The following CDH23 variants were observed in gnomAD, a reference collection of about 807,000 sequenced individuals.
CDH23 encodes cadherin-23.
CDH23 carries 189 observed loss-of-function variants against 317.1 expected under a neutral mutation model. That is an observed-to-expected ratio of 0.60 (90% CI 0.53 to 0.67). The LOEUF (loss-of-function observed/expected upper bound fraction) is 0.67. Ranked by LOEUF, CDH23 falls within the 30% of genes least tolerant of loss-of-function variation. The pLI, the probability that CDH23 is intolerant of heterozygous loss-of-function variation, is 0.00. For synonymous variants in CDH23, 1,839 were observed against 1,876.8 expected (o/e 0.98, Z 0.52); for missense variants, 4,401 against 4,592.4 (o/e 0.96, Z 1.20).
intron 6 of CDH23, among the ~76,000 whole-genome samples, chr10:71,543,863 G>A (rs1369017685): frequency 3.9e-5 from 6 of 152,200 alleles, no homozygotes; most frequent in Admixed American, 1.3e-4. Flanking sequence ...AAGCTGCTAA[G>A]TACTGTAGAG....
At position 71,625,237 on chromosome 10, in the gene CDH23, C is replaced by A. The variant is rs77716377; in HGVS notation, c.1134+7844C>A. On this transcript the variant is annotated intron_variant, in intron 11 of 69. Coordinates refer to ENST00000224721, the MANE Select transcript of CDH23 (RefSeq NM_022124.6). ...CTCCCAAAGGTTTGGTCCCACCGAG[C>A]GGAGGGGCCTGCACTGCAGAGTGAA... Among the ~76,000 whole-genome samples, 1,348 of 151,164 alleles carry A rather than the reference C, an allele frequency of 8.9e-3. 10 individuals are homozygous for A. The highest frequency in any genetic ancestry group is 0.014 in the Non-Finnish European group (967 of 67,788).
intron 9 of CDH23, among the ~76,000 whole-genome samples, chr10:71,608,029 C>G (rs1168208757): frequency 1.3e-5 from 2 of 152,242 alleles, no homozygotes; most frequent in African/African-American, 4.8e-5. Flanking sequence ...GATGCTCACA[C>G]AGCCTGGTGA....
At chr10:71,672,581 G>T (rs537104932) in intron 14 of CDH23, among the ~76,000 whole-genome samples, 1 of 152,174 alleles carries the variant, frequency 6.6e-6, no homozygotes, top group Non-Finnish European at 1.5e-5. Context: ...ATCAGCATCC[G>T]CAGCCTGGGC....
chr10:71,519,258 C>G (rs1257005070), intron 6 of CDH23, among the ~76,000 whole-genome samples: 1 of 152,178 alleles, frequency 6.6e-6, no homozygotes, highest in Non-Finnish European at 1.5e-5. Context: ...AAATAAAGAA[C>G]CTCTAAATGG....
chr10:71,631,225 A>G (rs921930841), intron 11 of CDH23, among the ~76,000 whole-genome samples: 2 of 152,234 alleles, frequency 1.3e-5, no homozygotes, highest in Non-Finnish European at 2.9e-5. Context: ...CCTGGGCAAC[A>G]GAGCAAGACC....
intron 20 of CDH23, among the ~76,000 whole-genome samples, 184 bp from the exon 21 acceptor site, chr10:71,693,963 C>G (rs1865278421): frequency 1.3e-5 from 2 of 152,128 alleles, no homozygotes; most frequent in South Asian, 4.1e-4. Context: ...GGCACAGGAG[C>G]TCTCCCGTCT....
At chr10:71,517,638 C>T (rs1854412081) in intron 6 of CDH23, among the ~76,000 whole-genome samples, 2 of 152,232 alleles carry the variant, frequency 1.3e-5, no homozygotes, top group Non-Finnish European at 2.9e-5. Flanking sequence ...ATGAGCGTGT[C>T]ATCTCCCACG....
In CDH23 at chr10:71,672,463, G is replaced by A. The variant is rs188907009; in HGVS notation, c.1450-2649G>A. ...CAAGGAGCAGCTTTTCATCTAGTTC[G>A]GCTTCCTACACTTGAAAAATGAAGC... On this transcript the variant is annotated intron_variant, in intron 14 of 69. Transcript: ENST00000224721. Among the ~76,000 whole-genome samples the A allele has an allele frequency of 1.4e-4, 21 of 152,206 alleles. No individual in the cohort carries two copies. In the East Asian group the frequency reaches 1.7e-3, roughly 13 times the overall value.
intron 48 of CDH23, among the ~76,000 whole-genome samples, chr10:71,796,683 G>T (rs1040296366): frequency 2.6e-5 from 4 of 152,196 alleles, no homozygotes; most frequent in Non-Finnish European, 5.9e-5. Context: ...CATTGTTAAG[G>T]AATACAGCAG....
At chr10:71,800,850 G>T in intron 53 of CDH23, 95 bp downstream of exon 53, 1 of 1,523,728 alleles carries the variant, frequency 6.6e-7, no homozygotes, top group Non-Finnish European at 8.9e-7. Flanking sequence ...CAGACTGGGA[G>T]CAGAGCCCCC....
intron 38 of CDH23, among the ~76,000 whole-genome samples, chr10:71,747,086 C>T (rs1417756650): frequency 6.6e-6 from 1 of 152,202 alleles, no homozygotes; most frequent in African/African-American, 2.4e-5. Flanking sequence ...CAAGTACATC[C>T]AGACCCTTCC....
At chr10:71,674,051 C>T (rs1350232520) in intron 14 of CDH23, among the ~76,000 whole-genome samples, 2 of 152,214 alleles carry the variant, frequency 1.3e-5, no homozygotes, top group Non-Finnish European at 2.9e-5. Context: ...GGAAATCCAA[C>T]ACAAGAGGCA....
chr10:71,402,443 G>A (rs576347658), intron 1 of CDH23, among the ~76,000 whole-genome samples: 1 of 152,246 alleles, frequency 6.6e-6, no homozygotes, highest in South Asian at 2.1e-4. Flanking sequence ...TGAAGCCTTG[G>A]GTCTGGCTTA....
intron 34 of CDH23, among the ~76,000 whole-genome samples, chr10:71,735,843 C>T (rs1324690089): frequency 3.9e-5 from 6 of 152,206 alleles, no homozygotes; most frequent in African/African-American, 1.4e-4. Context: ...CTCCACAGCT[C>T]CCCTCAGCTA....
rs775411358 is a variant in CDH23, at chr10:71,785,002, C to T, written c.5614C>T (p.His1872Tyr). The change falls in exon 43 of 70, where the codon CAT (histidine) becomes TAT (tyrosine). Residue 1872 changes from histidine to tyrosine, a missense_variant. By Grantham distance (83) the His-to-Tyr change is moderately conservative (BLOSUM62 2). Coordinates refer to ENST00000224721, the MANE Select transcript of CDH23 (RefSeq NM_022124.6). ...ENSPVSSFVA[H>Y]VLASDADSGC... The stretch of plus-strand genomic sequence containing the variant: ...CAGCCCTGTCTCCAGCTTTGTCGCC[C>T]ATGTCCTGGCCAGTGACGCTGACAG... 6.2e-7 allele frequency: 1 copy of T among 1,614,076 alleles called. No individual in the cohort carries two copies. The highest frequency in any genetic ancestry group is 8.5e-7 in the Non-Finnish European group (1 of 1,179,894).
intron 6 of CDH23, among the ~76,000 whole-genome samples, chr10:71,566,408 G>T (rs1366056395): frequency 1.3e-5 from 2 of 152,136 alleles, no homozygotes; most frequent in African/African-American, 4.8e-5. Context: ...GAAGCCTGCA[G>T]CTTGGGCAGC....
At chr10:71,471,810 C>T (rs533774523) in intron 3 of CDH23, among the ~76,000 whole-genome samples, 4 of 152,280 alleles carry the variant, frequency 2.6e-5, no homozygotes, top group South Asian at 2.1e-4. Flanking sequence ...TCTCTCTTCC[C>T]GGAAGCTTTG....
At chr10:71,711,428 C>G (rs935963715) in intron 27 of CDH23, among the ~76,000 whole-genome samples, 1 of 152,136 alleles carries the variant, frequency 6.6e-6, no homozygotes, top group East Asian at 1.9e-4. Flanking sequence ...ACTCCAGCTG[C>G]CTGCACCACC....
chr10:71,536,364 A>G (rs1275117983), intron 6 of CDH23, among the ~76,000 whole-genome samples: 2 of 152,184 alleles, frequency 1.3e-5, no homozygotes, highest in Admixed American at 6.5e-5. Flanking sequence ...GGCTGGTTCA[A>G]TGGAGCCAGA....
Sources: gnomAD v4.1 joint callset for allele counts (sites outside exome capture counted in the v4.1 genomes callset) on GRCh38, gnomAD v4.1.1 for gene constraint, MANE v1.5 for transcripts, NCBI Gene and HGNC (gene_info 2026-07-23, HGNC 2026-07-21) for gene names.